Variants in RABGAP1L observed in about 807,000 individuals in gnomAD.
RABGAP1L encodes the protein rab GTPase-activating protein 1-like.
Under a neutral mutation model 137.7 loss-of-function variants are expected in RABGAP1L, and 63 were observed. The observed-to-expected ratio is 0.46, with a 90% confidence interval of 0.37 to 0.56. The LOEUF is 0.56. RABGAP1L is among the 20% of genes least tolerant of loss of function. RABGAP1L has a pLI of 0.00. For missense variants in RABGAP1L, 1,095 were observed against 1,244.0 expected, an observed-to-expected ratio of 0.88 and a Z score of 1.80; for synonymous variants, 431 against 433.7, an observed-to-expected ratio of 0.99 and a Z score of 0.08.
chr1:174,800,626 G>A, intron 18 of RABGAP1L: 2 of 1,399,946 alleles, frequency 1.4e-6, no homozygotes, highest in Admixed American at 2.5e-5. Context: ...CTGCCGAGAA[G>A]GAAATGCTGA....
chr1:174,333,373 A>C (rs1681202755), intron 11 of RABGAP1L, among the ~76,000 whole-genome samples: 1 of 152,228 alleles, frequency 6.6e-6, no homozygotes, highest in African/African-American at 2.4e-5. Context: ...TATGCTAATT[A>C]CCGTAATATG....
chr1:174,227,122 T>C (rs1436673342), intron 3 of RABGAP1L, among the ~76,000 whole-genome samples: 2 of 152,124 alleles, frequency 1.3e-5, no homozygotes, highest in Non-Finnish European at 2.9e-5. Flanking sequence ...TTGCATAATA[T>C]TGTAGATTTT....
chr1:174,242,441 G>T (rs1005242499), intron 5 of RABGAP1L, among the ~76,000 whole-genome samples: 1 of 152,182 alleles, frequency 6.6e-6, no homozygotes, highest in African/African-American at 2.4e-5. Context: ...AGGTATGTTT[G>T]CTTGTGACAA....
intron 13 of RABGAP1L, among the ~76,000 whole-genome samples, chr1:174,541,664 T>C (rs1413472310): frequency 6.6e-6 from 1 of 151,948 alleles, no homozygotes. Flanking sequence ...TAGTCCCTGC[T>C]ACTCTGGAGG....
At chr1:174,756,003 A>G (rs1406072997) in intron 18 of RABGAP1L, among the ~76,000 whole-genome samples, 4 of 152,130 alleles carry the variant, frequency 2.6e-5, no homozygotes, top group Non-Finnish European at 5.9e-5. Context: ...AAATGGGGGA[A>G]TATTAGTAAT....
intron 19 of RABGAP1L, among the ~76,000 whole-genome samples, chr1:174,951,074 AT>A (rs770815428): frequency 5.8e-4 from 88 of 152,360 alleles, no homozygotes; most frequent in African/African-American, 2.0e-3. Flanking sequence ...ACCAGTCATC[AT>A]GAAAATCCTC....
chr1:174,641,428 A>G (rs536940885), intron 14 of RABGAP1L, among the ~76,000 whole-genome samples: 1 of 152,250 alleles, frequency 6.6e-6, no homozygotes, highest in South Asian at 2.1e-4. Context: ...TGAAAGTATT[A>G]GTAGAATTCA....
chr1:174,500,080 CTT>C (rs1314254264), intron 13 of RABGAP1L, among the ~76,000 whole-genome samples: 17 of 135,508 alleles, frequency 1.3e-4, no homozygotes, highest in Admixed American at 2.2e-4. Context: ...CAGGCTTCTT[CTT>C]TTTTTTTTTT....
intron 13 of RABGAP1L, among the ~76,000 whole-genome samples, chr1:174,403,917 G>A (rs1360297724): frequency 6.6e-6 from 1 of 151,732 alleles, no homozygotes; most frequent in Admixed American, 6.6e-5. Flanking sequence ...ATATAGTAAA[G>A]TCAAATTATA....
intron 4 of RABGAP1L, among the ~76,000 whole-genome samples, chr1:174,235,082 G>A (rs1671046935): frequency 2.1e-5 from 3 of 141,248 alleles, no homozygotes; most frequent in Non-Finnish European, 3.0e-5. Flanking sequence ...TGTTGTTGGT[G>A]TATAAGAATG....
intron 17 of RABGAP1L, among the ~76,000 whole-genome samples, chr1:174,745,714 A>G (rs935525826): frequency 1.3e-5 from 2 of 152,204 alleles, no homozygotes; most frequent in African/African-American, 4.8e-5. Context: ...TAAATACATG[A>G]ACCTAATAAT....
intron 19 of RABGAP1L, chr1:174,892,667 G>C (rs2149124917): frequency 5.6e-6 from 3 of 532,948 alleles, no homozygotes; most frequent in South Asian, 4.2e-5. Flanking sequence ...ACTTTGGGAT[G>C]GTCCATCACT....
chr1:174,569,717 A>G (rs1481620093), intron 13 of RABGAP1L, among the ~76,000 whole-genome samples: 1 of 152,222 alleles, frequency 6.6e-6, no homozygotes, highest in Non-Finnish European at 1.5e-5. Flanking sequence ...AGTTAGGCCC[A>G]TGTCCAGAGA....
chr1:174,298,194 G>A (rs888769656), intron 10 of RABGAP1L, among the ~76,000 whole-genome samples: 3 of 152,168 alleles, frequency 2.0e-5, no homozygotes, highest in Non-Finnish European at 4.4e-5. Flanking sequence ...AGATACCCAG[G>A]GTACCTGAGG....
chr1:174,589,114 T>C, intron 13 of RABGAP1L, among the ~76,000 whole-genome samples: 1 of 152,226 alleles, frequency 6.6e-6, no homozygotes, highest in East Asian at 1.9e-4. Context: ...CAGCATTTGT[T>C]ATTGCCTATT....
chr1:174,544,946 G>C (rs1019841258), intron 13 of RABGAP1L: 1 of 171,656 alleles, frequency 5.8e-6, no homozygotes, highest in African/African-American at 2.4e-5. Flanking sequence ...AAATGTTGCT[G>C]CCTGATCCTT....
At chr1:174,741,752 C>G (rs1683422648) in intron 17 of RABGAP1L, among the ~76,000 whole-genome samples, 2 of 136,264 alleles carry the variant, frequency 1.5e-5, no homozygotes, top group South Asian at 4.4e-4. Context: ...TTCTACTGGT[C>G]TATGTGGCTA....
At chr1:174,510,789 A>G (rs1662261226) in intron 13 of RABGAP1L, among the ~76,000 whole-genome samples, 1 of 152,224 alleles carries the variant, frequency 6.6e-6, no homozygotes, top group Non-Finnish European at 1.5e-5. Flanking sequence ...TGCATGTAAC[A>G]AAGAAATTTA....
rs752677146 is a variant in RABGAP1L, at chr1:174,241,483, A to G, written c.543A>G (p.Arg181=). 4 of 1,549,340 alleles carry G rather than the reference A, an allele frequency of 2.6e-6. No individual in the cohort carries two copies. The South Asian group carries it at 3.8e-5, about 15-fold the overall frequency. Reference sequence around the variant, plus strand: ...CTAACTTTTCATTACTGTTCTACAGAATTATAGACCAATCCAGCAATGTGG... The same window carrying G: ...CTAACTTTTCATTACTGTTCTACAGGATTATAGACCAATCCAGCAATGTGG... ...YVPNVPEGSV[R]IIDQSSNVEI... Residue 181 remains arginine, a splice_region_variant and synonymous_variant, in exon 5 of 26, where the codon AGA becomes AGG. Transcript: ENST00000681986.
Sources: gnomAD v4.1 joint callset for allele counts (sites outside exome capture counted in the v4.1 genomes callset) on GRCh38, gnomAD v4.1.1 for gene constraint, MANE v1.5 for transcripts, NCBI Gene and HGNC (gene_info 2026-07-23, HGNC 2026-07-21) for gene names.